The following CAMK2D variants were observed in gnomAD, a reference collection of about 807,000 sequenced individuals.
CAMK2D encodes the protein calcium/calmodulin dependent protein kinase II delta.
CAMK2D carries 37 observed loss-of-function variants against 84.0 expected under a neutral mutation model. That is an observed-to-expected ratio of 0.44 (90% CI 0.34 to 0.58). CAMK2D has a LOEUF of 0.58. Ranked by LOEUF, CAMK2D falls within the 20% of genes least tolerant of loss-of-function variation. The probability of loss-of-function intolerance (pLI) is 0.02; values close to 1 mark genes in which losing one functional copy is unlikely to be tolerated. For synonymous variants in CAMK2D, 202 were observed against 212.5 expected, an observed-to-expected ratio of 0.95 and a Z score of 0.43; for missense variants, 448 against 652.5, an observed-to-expected ratio of 0.69 and a Z score of 3.41.
chr4:113,711,049 C>T (rs527280088), intron 2 of CAMK2D, among the ~76,000 whole-genome samples: 52 of 151,334 alleles, frequency 3.4e-4, no homozygotes, highest in Middle Eastern at 3.4e-3. Flanking sequence ...ACCTGACATA[C>T]GTTAAAGAGC....
At chr4:113,504,775 C>CA (rs1386080436) in intron 14 of CAMK2D, among the ~76,000 whole-genome samples, 1 of 136,274 alleles carries the variant, frequency 7.3e-6, no homozygotes, top group Non-Finnish European at 1.6e-5. Flanking sequence ...CACTGCTTGA[C>CA]AACTAACTTA....
chr4:113,634,670 T>C (rs1371604253), intron 3 of CAMK2D, among the ~76,000 whole-genome samples: 1 of 152,232 alleles, frequency 6.6e-6, no homozygotes, highest in East Asian at 1.9e-4. Flanking sequence ...CACTAGAGCG[T>C]TTTTGTTTCT....
intron 4 of CAMK2D, among the ~76,000 whole-genome samples, chr4:113,595,440 T>TTG (rs71582188): frequency 0.031 from 4,435 of 143,426 alleles, 84 homozygotes; most frequent in East Asian, 0.059. Flanking sequence ...TTATGTATGC[T>TTG]TGTGTGTGTG....
rs567056951 is a variant in CAMK2D, at chr4:113,475,899, A to G, written c.1136-10295T>C. Among the ~76,000 whole-genome samples the G allele has an allele frequency of 3.9e-5, 6 of 152,366 alleles. No individual in the cohort carries two copies. The South Asian group carries it at 1.2e-3, about 32-fold the overall frequency. ...AAAAGATAATCTGCAAGGGCAGATTATCTTCAGTGAAGTGGGAAGAAGAAA... is the reference window on the plus strand; with the variant it reads ...AAAAGATAATCTGCAAGGGCAGATTGTCTTCAGTGAAGTGGGAAGAAGAAA... On this transcript the variant is annotated intron_variant, in intron 16 of 20. Coordinates refer to ENST00000511664, the MANE Select transcript of CAMK2D (RefSeq NM_001321571.2).
intron 3 of CAMK2D, among the ~76,000 whole-genome samples, chr4:113,635,171 C>A (rs1002195124): frequency 6.6e-6 from 1 of 152,178 alleles, no homozygotes; most frequent in African/African-American, 2.4e-5. Flanking sequence ...TAATCAAAAT[C>A]ATTCTTTCCT....
intron 17 of CAMK2D, among the ~76,000 whole-genome samples, chr4:113,464,701 T>G (rs1053100251): frequency 1.3e-5 from 2 of 152,204 alleles, no homozygotes; most frequent in African/African-American, 4.8e-5. Context: ...CAAGTAAAGT[T>G]TTCCTTAAGA....
chr4:113,491,192 G>T (rs2154138609), intron 16 of CAMK2D, among the ~76,000 whole-genome samples: 1 of 121,386 alleles, frequency 8.2e-6, no homozygotes, highest in African/African-American at 3.3e-5. Flanking sequence ...GAATAGGAGT[G>T]GTGAGAGAGG....
chr4:113,716,431 C>T (rs1200660935), intron 2 of CAMK2D, among the ~76,000 whole-genome samples: 1 of 152,096 alleles, frequency 6.6e-6, no homozygotes, highest in South Asian at 2.1e-4. Flanking sequence ...GAGTGGGTCA[C>T]TTCAGGTCAG....
chr4:113,640,085 C>T (rs2099126261), intron 3 of CAMK2D, among the ~76,000 whole-genome samples: 1 of 151,032 alleles, frequency 6.6e-6, no homozygotes. Context: ...AGATTTCTAG[C>T]TTGGGCAAGG....
At chr4:113,723,647 A>G (rs964428767) in intron 2 of CAMK2D, among the ~76,000 whole-genome samples, 1 of 150,250 alleles carries the variant, frequency 6.7e-6, no homozygotes, top group Admixed American at 6.6e-5. Context: ...AGCAATTAAC[A>G]ATTTCAAAAC....
At chr4:113,576,387 GACTT>G (rs35851481) in intron 4 of CAMK2D, among the ~76,000 whole-genome samples, 37,774 of 151,638 alleles carry the variant, frequency 0.25, 5,471 homozygotes, top group Middle Eastern at 0.34. Flanking sequence ...TCAGTATAGA[GACTT>G]AAAACAATGA....
chr4:113,613,110 A>AC (rs2099007344), intron 3 of CAMK2D, among the ~76,000 whole-genome samples: 1 of 152,158 alleles, frequency 6.6e-6, no homozygotes, highest in South Asian at 2.1e-4. Flanking sequence ...TAAAAGATAT[A>AC]ATAAAACTTA....
intron 4 of CAMK2D, among the ~76,000 whole-genome samples, chr4:113,606,545 A>G (rs982472771): frequency 6.6e-6 from 1 of 151,938 alleles, no homozygotes; most frequent in Non-Finnish European, 1.5e-5. Context: ...AGACTTGAAG[A>G]CAGAACAATA....
chr4:113,592,384 T>C (rs993506), intron 4 of CAMK2D, among the ~76,000 whole-genome samples: 6,088 of 152,308 alleles, frequency 0.04, 360 homozygotes, highest in East Asian at 0.19. Context: ...TCCACAGATA[T>C]TGTCTCCAAA....
intron 2 of CAMK2D, among the ~76,000 whole-genome samples, chr4:113,737,287 T>C (rs539820100): frequency 6.4e-4 from 97 of 152,282 alleles, no homozygotes; most frequent in African/African-American, 2.1e-3. Context: ...TGTATATACA[T>C]AAAATGAACT....
chr4:113,539,717 C>G (rs1371430887), intron 6 of CAMK2D, among the ~76,000 whole-genome samples: 1 of 152,126 alleles, frequency 6.6e-6, no homozygotes, highest in Non-Finnish European at 1.5e-5. Flanking sequence ...GAAGACTGTT[C>G]AGCTGCAGTT....
chr4:113,606,563 A>G (rs576980921), intron 4 of CAMK2D, among the ~76,000 whole-genome samples: 9 of 152,118 alleles, frequency 5.9e-5, no homozygotes, highest in African/African-American at 2.2e-4. Context: ...ATAATAAATT[A>G]CCCAAACTAA....
At chr4:113,538,549 G>A (rs2098508875) in intron 6 of CAMK2D, among the ~76,000 whole-genome samples, 1 of 152,116 alleles carries the variant, frequency 6.6e-6, no homozygotes, top group East Asian at 1.9e-4. Flanking sequence ...CTCTACAAAT[G>A]CCAAAACGAT....
At chr4:113,458,713 A>G (rs2097334873) in intron 18 of CAMK2D, among the ~76,000 whole-genome samples, 1 of 152,212 alleles carries the variant, frequency 6.6e-6, no homozygotes, top group Non-Finnish European at 1.5e-5. Flanking sequence ...GTAAATGTCT[A>G]ATGCATATAA....
Sources: allele counts gnomAD v4.1 joint callset (sites outside exome capture counted in the v4.1 genomes callset), GRCh38; gene constraint gnomAD v4.1.1; transcripts MANE v1.5; gene names NCBI Gene and HGNC (gene_info 2026-07-23, HGNC 2026-07-21).